Variants in PTPRD observed in about 807,000 individuals in gnomAD.
PTPRD encodes the protein receptor-type tyrosine-protein phosphatase delta.
Under a neutral mutation model 214.5 loss-of-function variants are expected in PTPRD, and 34 were observed. The ratio of observed to expected loss-of-function variants is 0.16; its 90% CI spans 0.12 to 0.21. The LOEUF (loss-of-function observed/expected upper bound fraction) is 0.21, where lower values mean the gene tolerates loss of function less well. Ranked by LOEUF, PTPRD falls within the 10% of genes least tolerant of loss-of-function variation. The probability of loss-of-function intolerance (pLI) is 1.00; values close to 1 mark genes in which losing one functional copy is unlikely to be tolerated. For missense variants in PTPRD, 2,545 were observed against 2,398.7 expected (o/e 1.06, Z -1.27); for synonymous variants, 1,128 against 845.7 (o/e 1.33, Z -5.79).
At chr9:9,416,831 T>C (rs1007502479) in intron 8 of PTPRD, among the ~76,000 whole-genome samples, 24 of 152,198 alleles carry the variant, frequency 1.6e-4, no homozygotes, top group African/African-American at 4.3e-4. Context: ...CCAGCTTCTG[T>C]TGGTTCAAAT....
chr9:8,914,340 C>T (rs576560872), intron 11 of PTPRD, among the ~76,000 whole-genome samples: 2 of 152,140 alleles, frequency 1.3e-5, no homozygotes, highest in African/African-American at 4.8e-5. Flanking sequence ...TACCAAATAA[C>T]AATATTACAC....
At chr9:8,673,610 T>C (rs1178508867) in intron 12 of PTPRD, among the ~76,000 whole-genome samples, 21 of 152,224 alleles carry the variant, frequency 1.4e-4, no homozygotes. Flanking sequence ...TTCTCCTTAA[T>C]GTATCTCATT....
chr9:9,944,259 C>A (rs2092184901), intron 4 of PTPRD, among the ~76,000 whole-genome samples: 1 of 152,146 alleles, frequency 6.6e-6, no homozygotes, highest in Non-Finnish European at 1.5e-5. Context: ...TAGATATCTA[C>A]TTATAACAAT....
At chr9:8,358,935 G>A (rs28585575) in intron 39 of PTPRD, among the ~76,000 whole-genome samples, 2,576 of 150,408 alleles carry the variant, frequency 0.017, 86 homozygotes, top group African/African-American at 0.059. Context: ...GTGAAACCCC[G>A]TCTCTACTAA....
chr9:9,890,936 T>C (rs917498468), intron 5 of PTPRD, among the ~76,000 whole-genome samples: 5 of 152,112 alleles, frequency 3.3e-5, no homozygotes, highest in Admixed American at 3.3e-4. Context: ...TAAATTACAT[T>C]GAATTTGAGT....
At chr9:8,521,250 C>A in intron 20 of PTPRD, 27 bp downstream of exon 20, 4 of 1,590,546 alleles carry the variant, frequency 2.5e-6, no homozygotes, top group Non-Finnish European at 3.4e-6. Context: ...GTACCCAGAT[C>A]CTCAAAGCAT....
chr9:8,600,255 G>T (rs1321189500), intron 14 of PTPRD, among the ~76,000 whole-genome samples: 1 of 152,204 alleles, frequency 6.6e-6, no homozygotes, highest in Non-Finnish European at 1.5e-5. Flanking sequence ...CCAGCAGTCA[G>T]AGCTTGAGTT....
intron 12 of PTPRD, among the ~76,000 whole-genome samples, chr9:8,729,997 C>T (rs527682222): frequency 1.4e-4 from 22 of 152,324 alleles, no homozygotes; most frequent in Admixed American, 1.4e-3. Context: ...TGGCTCACGC[C>T]TGTAATCCCA....
intron 30 of PTPRD, among the ~76,000 whole-genome samples, chr9:8,483,121 G>A (rs960164491): frequency 6.6e-6 from 1 of 152,044 alleles, no homozygotes; most frequent in Non-Finnish European, 1.5e-5. Flanking sequence ...TCTTCTATTA[G>A]TTATTCAACC....
intron 8 of PTPRD, among the ~76,000 whole-genome samples, chr9:9,535,825 G>A (rs1282200733): frequency 6.6e-6 from 1 of 152,042 alleles, no homozygotes; most frequent in Non-Finnish European, 1.5e-5. Context: ...TAAATTGTGT[G>A]TGGGGGAGGG....
At position 9,627,050 on chromosome 9, in the gene PTPRD, G is replaced by A. The variant is rs143609630; in HGVS notation, c.-286-52269C>T. Among the ~76,000 whole-genome samples the A allele has an allele frequency of 7.9e-5, 12 of 152,258 alleles. 1 individual carries two copies. Among genetic ancestry groups the A allele is most frequent in the African/African-American group, 1.9e-4 (8 of 41,546 alleles). On this transcript the variant is annotated intron_variant, in intron 7 of 45. Coordinates refer to ENST00000381196, the MANE Select transcript of PTPRD (RefSeq NM_002839.4). Reference sequence around the variant, plus strand: ...GTTTGCAGGCTGGGTGTGGTGGCTCGTGCCTGTAATTCCCACACTTTGGGA... The same window carrying A: ...GTTTGCAGGCTGGGTGTGGTGGCTCATGCCTGTAATTCCCACACTTTGGGA...
chr9:9,672,187 C>A (rs929838623), intron 7 of PTPRD, among the ~76,000 whole-genome samples: 3 of 152,010 alleles, frequency 2.0e-5, no homozygotes, highest in Non-Finnish European at 4.4e-5. Flanking sequence ...AGGTATAATT[C>A]TATATGATTC....
chr9:8,988,673 A>T (rs768815628), intron 11 of PTPRD, among the ~76,000 whole-genome samples: 1 of 150,692 alleles, frequency 6.6e-6, no homozygotes, highest in Non-Finnish European at 1.5e-5. Context: ...CATTAACATT[A>T]CGATTTTTTT....
chr9:9,925,604 A>T (rs554428386), intron 5 of PTPRD, among the ~76,000 whole-genome samples: 2 of 151,886 alleles, frequency 1.3e-5, no homozygotes, highest in East Asian at 3.9e-4. Context: ...CATTTTTTTC[A>T]GCATTCAGAT....
At chr9:10,453,256 T>A (rs985067870) in intron 2 of PTPRD, among the ~76,000 whole-genome samples, 4 of 151,796 alleles carry the variant, frequency 2.6e-5, no homozygotes, top group East Asian at 3.9e-4. Flanking sequence ...TAATGTGATG[T>A]CTCCAGCTAT....
At chr9:8,804,785 G>A (rs1005326541) in intron 11 of PTPRD, among the ~76,000 whole-genome samples, 5 of 152,244 alleles carry the variant, frequency 3.3e-5, no homozygotes, top group South Asian at 2.1e-4. Context: ...GAGTAACTGC[G>A]ACATGATCCC....
intron 8 of PTPRD, among the ~76,000 whole-genome samples, chr9:9,488,275 C>T (rs1265955355): frequency 6.6e-6 from 1 of 152,204 alleles, no homozygotes; most frequent in Non-Finnish European, 1.5e-5. Context: ...GTTACTGCTA[C>T]AGTAATTCTT....
chr9:9,927,633 T>G lies in PTPRD; in HGVS notation c.-368+10874A>C, dbSNP rs113374424. On this transcript the variant is annotated intron_variant, in intron 5 of 45. Transcript: ENST00000381196. ...GTGTGTGTACATAATAACATACTAT[T>G]TAGTATCTAAATACACCGTGCATCT... 4.5e-3 allele frequency among the ~76,000 whole-genome samples: 681 copies of G among 152,276 alleles called. 3 individuals carry two copies. The highest frequency in any genetic ancestry group is 0.015 in the African/African-American group (618 of 41,558).
chr9:8,630,765 T>C (rs576407297), intron 14 of PTPRD, among the ~76,000 whole-genome samples: 1 of 152,006 alleles, frequency 6.6e-6, no homozygotes, highest in South Asian at 2.1e-4. Flanking sequence ...GCAGAGGAGA[T>C]GATGAAACTC....
Sources: gnomAD v4.1 joint callset for allele counts (sites outside exome capture counted in the v4.1 genomes callset) on GRCh38, gnomAD v4.1.1 for gene constraint, MANE v1.5 for transcripts, NCBI Gene and HGNC (gene_info 2026-07-23, HGNC 2026-07-21) for gene names.